CYRIB: variants seen among roughly 807,000 people sequenced by gnomAD.
CYRIB encodes the protein CYFIP related Rac1 interactor B, also known as CYFIP-related Rac1 interactor B.
Under a neutral mutation model 44.2 loss-of-function variants are expected in CYRIB, and 8 were observed. The observed-to-expected ratio is 0.18, with a 90% CI of 0.11 to 0.33. CYRIB has a LOEUF of 0.33. Ranked by LOEUF, CYRIB falls within the 10% of genes least tolerant of loss-of-function variation. The pLI is 1.00. For missense variants in CYRIB, 185 were observed against 382.8 expected (o/e 0.48, Z 4.31); for synonymous variants, 131 against 127.2 (o/e 1.03, Z -0.20).
At chr8:129,873,086 T>C (rs753879955) in intron 3 of CYRIB, among the ~76,000 whole-genome samples, 30 of 152,030 alleles carry the variant, frequency 2.0e-4, no homozygotes, top group Non-Finnish European at 4.0e-4. Flanking sequence ...ACTCAACATA[T>C]GTAAAACAGT....
At chr8:129,879,027 CTATAA>C (rs745899606) in intron 3 of CYRIB, among the ~76,000 whole-genome samples, 49 of 152,146 alleles carry the variant, frequency 3.2e-4, no homozygotes, top group African/African-American at 8.9e-4. Context: ...TTTTTCTTGA[CTATAA>C]TATAAGTTTT....
Position 129,854,121 on chromosome 8 carries a change from T to C in CYRIB, c.516+145A>G, listed in dbSNP as rs553064208. ...ACCATATGGTTTGTTACAGTTTGCTTTTCCTCCTACAGCTATGGCTGCCCA... is the reference window on the plus strand; with the variant it reads ...ACCATATGGTTTGTTACAGTTTGCTCTTCCTCCTACAGCTATGGCTGCCCA... On this transcript the variant is annotated intron_variant, in intron 7 of 11. Transcript: ENST00000519824. 17 of 664,784 alleles carry C rather than the reference T, an allele frequency of 2.6e-5. No individual in the cohort carries two copies. The South Asian group carries it at 3.1e-4, about 12-fold the overall frequency. 41.2% of individuals were successfully genotyped at this position (664,784 alleles called of 1,614,324 possible). A position where few individuals can be genotyped will look rare whatever the true frequency, so the allele number is the denominator to read the frequency against.
chr8:129,980,247 GAAAAGAA>G (rs2096165169), intron 1 of CYRIB, among the ~76,000 whole-genome samples: 1 of 129,676 alleles, frequency 7.7e-6, no homozygotes, highest in Non-Finnish European at 1.6e-5. Flanking sequence ...AAAAAAAAAA[GAAAAGAA>G]AAAAGAAAAA....
At chr8:129,924,314 G>GGGGGGGGGGGGGA (rs1554645242) in intron 1 of CYRIB, among the ~76,000 whole-genome samples, 1 of 34,902 alleles carries the variant, frequency 2.9e-5, no homozygotes, top group Non-Finnish European at 5.1e-5. Flanking sequence ...GGTGGCGGGG[G>GGGGGGGGGGGGGA]GGGTGTTACT....
chr8:129,978,583 T>C (rs964400799), intron 1 of CYRIB, among the ~76,000 whole-genome samples: 7 of 152,244 alleles, frequency 4.6e-5, no homozygotes, highest in African/African-American at 1.4e-4. Flanking sequence ...GCTAGAGTTT[T>C]CTAAAGTATC....
chr8:129,951,899 C>T (rs1220749006), intron 2 of CYRIB, among the ~76,000 whole-genome samples: 15 of 152,188 alleles, frequency 9.9e-5, no homozygotes, highest in African/African-American at 4.8e-5. Context: ...CTGGTCTGTC[C>T]ACGAATGTGT....
intron 2 of CYRIB, among the ~76,000 whole-genome samples, chr8:129,887,954 T>C (rs2063463859): frequency 6.6e-6 from 1 of 152,222 alleles, no homozygotes; most frequent in South Asian, 2.1e-4. Context: ...GACTGTGGAC[T>C]TCTGAGTTAA....
intron 1 of CYRIB, chr8:130,008,353 C>T (rs2097151363): frequency 6.5e-6 from 1 of 154,358 alleles, no homozygotes; most frequent in Non-Finnish European, 1.5e-5. Flanking sequence ...TCTGGTGACT[C>T]TCCCTGCCAT....
intron 1 of CYRIB, among the ~76,000 whole-genome samples, chr8:129,972,284 C>T (rs901575886): frequency 5.9e-5 from 9 of 152,134 alleles, no homozygotes; most frequent in Non-Finnish European, 1.2e-4. Flanking sequence ...CCGAACTGCT[C>T]AGTGGCCAAG....
At chr8:129,870,604 A>C (rs1441515397) in intron 4 of CYRIB, among the ~76,000 whole-genome samples, 2 of 152,192 alleles carry the variant, frequency 1.3e-5, no homozygotes, top group Non-Finnish European at 2.9e-5. Flanking sequence ...TGTATGCCCC[A>C]AAGAGTGACC....
chr8:129,991,006 C>T (rs1591938252), intron 1 of CYRIB, among the ~76,000 whole-genome samples: 1 of 152,076 alleles, frequency 6.6e-6, no homozygotes, highest in Non-Finnish European at 1.5e-5. Flanking sequence ...GTGGCAGGCG[C>T]CTGTAATCCC....
intron 1 of CYRIB, among the ~76,000 whole-genome samples, chr8:129,934,477 T>C (rs2092407268): frequency 6.6e-6 from 1 of 152,184 alleles, no homozygotes; most frequent in African/African-American, 2.4e-5. Context: ...TGATACATTA[T>C]GTCATATTGC....
chr8:129,973,504 G>A (rs900567522), intron 1 of CYRIB, among the ~76,000 whole-genome samples: 1 of 152,180 alleles, frequency 6.6e-6, no homozygotes, highest in Non-Finnish European at 1.5e-5. Context: ...CATCTTCTGA[G>A]AGCCCAGGTC....
At chr8:129,931,454 T>C (rs1310971184) in intron 1 of CYRIB, among the ~76,000 whole-genome samples, 2 of 152,212 alleles carry the variant, frequency 1.3e-5, no homozygotes, top group South Asian at 4.1e-4. Context: ...GAAAGACGTA[T>C]GAACATGTCA....
At chr8:130,006,523 T>A (rs1328751560) in intron 1 of CYRIB, among the ~76,000 whole-genome samples, 2 of 137,516 alleles carry the variant, frequency 1.5e-5, no homozygotes, top group Non-Finnish European at 3.1e-5. Flanking sequence ...GGCAGGTGGA[T>A]CACCTGAGGT....
chr8:129,979,917 A>G (rs1391469465), intron 1 of CYRIB, among the ~76,000 whole-genome samples: 1 of 152,154 alleles, frequency 6.6e-6, no homozygotes, highest in Non-Finnish European at 1.5e-5. Flanking sequence ...GCAAGACTCC[A>G]CCTCAAAAAA....
intron 1 of CYRIB, among the ~76,000 whole-genome samples, chr8:129,915,504 G>A (rs750401884): frequency 1.3e-5 from 2 of 152,096 alleles, no homozygotes; most frequent in East Asian, 1.9e-4. Flanking sequence ...TCTAGGAAAC[G>A]CAAACTAATA....
At chr8:129,922,944 C>A (rs1184070038) in intron 1 of CYRIB, among the ~76,000 whole-genome samples, 5 of 138,900 alleles carry the variant, frequency 3.6e-5, no homozygotes, top group Non-Finnish European at 7.9e-5. Context: ...TGAAAAAATT[C>A]TCCGGCCGGG....
exon 1 of CYRIB, chr8:129,939,713 G>A (rs2093468935): frequency 6.6e-6 from 1 of 152,286 alleles, no homozygotes; most frequent in African/African-American, 2.4e-5. Flanking sequence ...TCCGGAGCGG[G>A]GGAGCGGCGG....
Sources: allele counts gnomAD v4.1 joint callset (sites outside exome capture counted in the v4.1 genomes callset), GRCh38; gene constraint gnomAD v4.1.1; transcripts MANE v1.5; gene names NCBI Gene and HGNC (gene_info 2026-07-23, HGNC 2026-07-21).